The following TNFSF10 variants were observed in gnomAD, a reference collection of about 807,000 sequenced individuals.
The protein encoded by TNFSF10 is TNF superfamily member 10, also known as tumor necrosis factor ligand superfamily member 10.
TNFSF10 carries 13 observed loss-of-function variants against 29.5 expected under a neutral mutation model. That is an observed-to-expected ratio of 0.44 (90% CI 0.29 to 0.70). The LOEUF is 0.70. Ranked by LOEUF, TNFSF10 falls within the 30% of genes least tolerant of loss-of-function variation. The pLI is 0.13. For missense variants in TNFSF10, 345 were observed against 330.9 expected (o/e 1.04, Z -0.33); for synonymous variants, 111 against 112.8 (o/e 0.98, Z 0.10).
chr3:172,511,602 CA>C lies in TNFSF10; in HGVS notation c.313+14del, dbSNP rs748478868. On this transcript the variant is annotated intron_variant, in intron 3 of 4. Transcript: ENST00000241261. ...TGACAGTAAAAAATTAAAATAACAA[CA>C]AAAAAGATACTACCTTGAACTGTAG... 1.9e-6 allele frequency: 3 copies of C among 1,599,686 alleles called. No homozygotes were observed. Among genetic ancestry groups the C allele is most frequent in the East Asian group, 2.2e-5 (1 of 44,606 alleles).
intron 1 of TNFSF10, 92 bp downstream of exon 1, chr3:172,523,161 T>C: frequency 7.0e-7 from 1 of 1,435,124 alleles, no homozygotes; most frequent in Non-Finnish European, 9.3e-7. Flanking sequence ...AGCAGGAAAG[T>C]CTTCAGAGAG....
At chr3:172,522,554 T>A in intron 1 of TNFSF10, 1 of 538,848 alleles carries the variant, frequency 1.9e-6, no homozygotes, top group East Asian at 3.5e-5. Flanking sequence ...GGAAATAGAC[T>A]CTTTTATTTA....
chr3:172,506,317 T>C lies in TNFSF10; in HGVS notation c.*175A>G. The C allele has an allele frequency of 1.6e-6, 1 of 642,094 alleles. No individual in the cohort carries two copies. The highest frequency in any genetic ancestry group is 2.6e-6 in the Non-Finnish European group (1 of 384,714). 39.8% of individuals were successfully genotyped at this position (642,094 alleles called of 1,614,324 possible). ...GATAAGTGAGTCACTTTCAGAACAG[T>C]GTGTGTTGTAGAATTTTTTGGTTGT... On this transcript the variant is annotated 3_prime_UTR_variant, in exon 5 of 5. Coordinates refer to ENST00000241261, the MANE Select transcript of TNFSF10 (RefSeq NM_003810.4).
At chr3:172,515,071 C>A in intron 1 of TNFSF10, 73 bp from the exon 2 acceptor site, 1 of 1,587,074 alleles carries the variant, frequency 6.3e-7, no homozygotes, top group African/African-American at 1.4e-5. Context: ...GAAGTTAAGA[C>A]AACAGAAACT....
intron 1 of TNFSF10, chr3:172,522,367 C>T: frequency 7.5e-7 from 1 of 1,333,738 alleles, no homozygotes; most frequent in Admixed American, 1.7e-5. Flanking sequence ...ATCACAGTAA[C>T]AAGGCCCTAT....
At position 172,514,872 on chromosome 3, in the gene TNFSF10, G is replaced by C. The variant is rs1038334232; in HGVS notation, c.259C>G (p.Leu87Val). Residue 87 changes from leucine to valine, a missense_variant, in exon 2 of 5, where the codon CTC becomes GTC. Coordinates refer to ENST00000241261, the MANE Select transcript of TNFSF10 (RefSeq NM_003810.4). Reference sequence around the variant, plus strand: ...GTGAGGTTACCTACCTTTCTAACGAGCTGACGGAGTTGCCACTTGACTTGC... The same window carrying C: ...GTGAGGTTACCTACCTTTCTAACGACCTGACGGAGTTGCCACTTGACTTGC... Reference protein sequence around the residue: ...CWQVKWQLRQLVRKMILRTSE... With the variant: ...CWQVKWQLRQVVRKMILRTSE... 2.5e-6 allele frequency: 4 copies of C among 1,614,182 alleles called. No individual in the cohort carries two copies. Among genetic ancestry groups the C allele is most frequent in the Admixed American group, 3.3e-5 (2 of 60,012 alleles).
intron 1 of TNFSF10, 146 bp downstream of exon 1, chr3:172,523,107 T>C: frequency 1.0e-6 from 1 of 988,618 alleles, no homozygotes; most frequent in South Asian, 3.0e-5. Flanking sequence ...AAGACCTCAG[T>C]TGTTATGTGA....
chr3:172,520,957 A>T (rs149003218), intron 1 of TNFSF10, among the ~76,000 whole-genome samples: 74 of 152,340 alleles, frequency 4.9e-4, no homozygotes, highest in African/African-American at 1.7e-3. Flanking sequence ...TGGGGAAAGG[A>T]TTCCCTATTT....
rs532396756 is a variant in TNFSF10 at position 172,507,400 on chromosome 3, A to T, written c.419-481T>A. On this transcript the variant is annotated intron_variant, in intron 4 of 4. Coordinates refer to ENST00000241261, the MANE Select transcript of TNFSF10 (RefSeq NM_003810.4). ...TTTGGACTCTTTGGGTCCCCCCTTG[A>T]TCTTTCTCAGCTCTCCAGAGTCAAA... 5.2e-5 allele frequency: 8 copies of T among 153,096 alleles called. 1 individual carries two copies. The highest frequency in any genetic ancestry group is 1.9e-4 in the African/African-American group (8 of 41,530). The allele number at this position is 153,096 out of a possible 1,614,324, so 9.5% of individuals were successfully genotyped here. A position where few individuals can be genotyped will look rare whatever the true frequency, so the allele number is the denominator to read the frequency against.
At position 172,518,286 on chromosome 3, in the gene TNFSF10, A is replaced by G. The variant is rs543405373; in HGVS notation, c.133-3288T>C. 306 of 1,168,882 alleles carry G rather than the reference A, an allele frequency of 2.6e-4. 1 individual carries two copies. In the African/African-American group the frequency reaches 4.6e-3, roughly 18 times the overall value. 72.4% of individuals were successfully genotyped at this position (1,168,882 alleles called of 1,614,324 possible). On this transcript the variant is annotated intron_variant, in intron 1 of 4. Transcript: ENST00000241261. ...AGAAGCCCTTGGTTCTGAAAAGTGG[A>G]TTTCCATGGTGACTGCTCTTGGTGC...
intron 2 of TNFSF10, among the ~76,000 whole-genome samples, chr3:172,512,619 T>TA (rs1318061819): frequency 1.3e-5 from 2 of 152,162 alleles, no homozygotes. Context: ...GGCACTGACT[T>TA]ACGGGAAGGG....
intron 3 of TNFSF10, among the ~76,000 whole-genome samples, chr3:172,509,976 CAAAAAAAAA>C (rs11290814): frequency 9.8e-6 from 1 of 101,914 alleles, no homozygotes; most frequent in African/African-American, 3.3e-5. Flanking sequence ...AAGACTCCGT[CAAAAAAAAA>C]AAAAAAAAAA....
intron 1 of TNFSF10, chr3:172,517,432 A>T (rs1335390597): frequency 2.0e-6 from 2 of 985,200 alleles, no homozygotes; most frequent in Non-Finnish European, 2.4e-6. Flanking sequence ...ATTATTACCC[A>T]GGAGTTTATA....
Position 172,506,207 on chromosome 3 carries a change from G to T in TNFSF10, c.*285C>A. Reference sequence around the variant, plus strand: ...ATGTTAACCATTGCATTAATGTTTGGAAGCTGACAGTCTTCTAGATTTCTG... The same window carrying T: ...ATGTTAACCATTGCATTAATGTTTGTAAGCTGACAGTCTTCTAGATTTCTG... On this transcript the variant is annotated 3_prime_UTR_variant, in exon 5 of 5. Coordinates refer to ENST00000241261, the MANE Select transcript of TNFSF10 (RefSeq NM_003810.4). 1 of 354,638 alleles carries T rather than the reference G, an allele frequency of 2.8e-6. No individual in the cohort carries two copies. Among genetic ancestry groups the T allele is most frequent in the Non-Finnish European group, 5.1e-6 (1 of 197,504 alleles). 22.0% of individuals were successfully genotyped at this position (354,638 alleles called of 1,614,324 possible). A position where few individuals can be genotyped will look rare whatever the true frequency, so the allele number is the denominator to read the frequency against.
rs10716802 is a variant in TNFSF10, at chr3:172,508,303, C to CA, written c.418+913dup. 1.6e-3 allele frequency among the ~76,000 whole-genome samples: 238 copies of CA among 149,722 alleles called. 2 individuals are homozygous for CA. In the East Asian group the frequency reaches 0.022, roughly 14 times the overall value. On this transcript the variant is annotated intron_variant, in intron 4 of 4. Transcript: ENST00000241261. ...AAAGTGAAACTCCGTCTCAAAAAAA[C>CA]AAAAAAAAAACAAAAAAATACCCAT...
Position 172,507,356 on chromosome 3 carries a change from A to T in TNFSF10, c.419-437T>A, listed in dbSNP as rs545414206. 18 of 156,220 alleles carry T rather than the reference A, an allele frequency of 1.2e-4. 1 individual carries two copies. In the South Asian group the frequency reaches 3.6e-3, roughly 31 times the overall value. The allele number at this position is 156,220 out of a possible 1,614,324, so 9.7% of individuals were successfully genotyped here. ...ATCTATTTCTTTAGGCCTAAATCTC[A>T]GAAGTTCTTGCCATTCCTTTTGGAC... On this transcript the variant is annotated intron_variant, in intron 4 of 4. Transcript: ENST00000241261.
chr3:172,514,333 A>G (rs938037332), intron 2 of TNFSF10, among the ~76,000 whole-genome samples: 2 of 152,132 alleles, frequency 1.3e-5, no homozygotes, highest in African/African-American at 4.8e-5. Flanking sequence ...TTAAGAAAAA[A>G]CCACCTTCAA....
Position 172,506,192 on chromosome 3 carries a change from T to C in TNFSF10, c.*300A>G, listed in dbSNP as rs17600346. On this transcript the variant is annotated 3_prime_UTR_variant, in exon 5 of 5. Transcript: ENST00000241261. Reference sequence around the variant, plus strand: ...TTATAAAGACAGAAGATGTTAACCATTGCATTAATGTTTGGAAGCTGACAG... The same window carrying C: ...TTATAAAGACAGAAGATGTTAACCACTGCATTAATGTTTGGAAGCTGACAG... 10,291 of 315,788 alleles carry C rather than the reference T, an allele frequency of 0.033. 225 individuals carry two copies. The highest frequency in any genetic ancestry group is 0.04 in the Non-Finnish European group (6,957 of 173,168). 19.6% of individuals were successfully genotyped at this position (315,788 alleles called of 1,614,324 possible).
At chr3:172,511,138 C>A (rs1018676884) in intron 3 of TNFSF10, among the ~76,000 whole-genome samples, 1 of 151,940 alleles carries the variant, frequency 6.6e-6, no homozygotes, top group Non-Finnish European at 1.5e-5. Flanking sequence ...AGGTGGAGAC[C>A]GCAGGATGAG....
Sources: allele counts gnomAD v4.1 joint callset (sites outside exome capture counted in the v4.1 genomes callset), GRCh38; gene constraint gnomAD v4.1.1; transcripts MANE v1.5; gene names NCBI Gene and HGNC (gene_info 2026-07-23, HGNC 2026-07-21).